The following CRISP1 variants were observed in gnomAD, a reference collection of about 807,000 sequenced individuals.
The protein encoded by CRISP1 is cysteine-rich secretory protein 1.
CRISP1 carries 44 observed loss-of-function variants against 33.1 expected under a neutral mutation model. The observed-to-expected ratio is 1.33, with a 90% confidence interval of 1.05 to 1.71. The LOEUF (loss-of-function observed/expected upper bound fraction) is 1.71, where lower values mean the gene tolerates loss of function less well. Ranked by LOEUF, CRISP1 falls within the 40% of genes most tolerant of loss-of-function variation. CRISP1 has a pLI of 0.00. For synonymous variants in CRISP1, 103 were observed against 98.7 expected, an observed-to-expected ratio of 1.04 and a Z score of -0.26; for missense variants, 390 against 301.2, an observed-to-expected ratio of 1.29 and a Z score of -2.18.
chr6:49,842,558 C>T (rs939152083), intron 5 of CRISP1, among the ~76,000 whole-genome samples: 14 of 152,184 alleles, frequency 9.2e-5, no homozygotes, highest in Admixed American at 3.3e-4. Flanking sequence ...CAGAAAATGT[C>T]GGAAAATGTC....
chr6:49,847,607 G>A (rs906195619), intron 4 of CRISP1, among the ~76,000 whole-genome samples: 4 of 152,256 alleles, frequency 2.6e-5, no homozygotes, highest in Middle Eastern at 6.8e-3. Context: ...AGAGTCATAA[G>A]CTAATGAAAT....
chr6:49,857,886 T>C (rs1771539515), intron 1 of CRISP1, among the ~76,000 whole-genome samples: 2 of 152,158 alleles, frequency 1.3e-5, no homozygotes, highest in African/African-American at 4.8e-5. Context: ...ATGGATAGCC[T>C]CTGGAAGCAG....
chr6:49,849,383 C>T (rs1328524830), intron 3 of CRISP1, among the ~76,000 whole-genome samples: 3 of 152,160 alleles, frequency 2.0e-5, no homozygotes, highest in Non-Finnish European at 4.4e-5. Context: ...AATCCTCTTC[C>T]TTGTCCCTCT....
intron 1 of CRISP1, among the ~76,000 whole-genome samples, chr6:49,864,403 TG>T (rs1771743090): frequency 6.6e-6 from 1 of 151,654 alleles, no homozygotes; most frequent in South Asian, 2.1e-4. Context: ...TGTGTGTGTG[TG>T]TGTGTGTGTG....
chr6:49,855,120 T>C (rs147130386), intron 2 of CRISP1, among the ~76,000 whole-genome samples: 1 of 152,248 alleles, frequency 6.6e-6, no homozygotes, highest in African/African-American at 2.4e-5. Flanking sequence ...ACACACTCTT[T>C]ATTTTTCTCT....
intron 2 of CRISP1, among the ~76,000 whole-genome samples, chr6:49,856,567 G>A (rs957246427): frequency 1.9e-4 from 29 of 152,110 alleles, no homozygotes; most frequent in African/African-American, 7.0e-4. Context: ...ATAGCCTAAT[G>A]CATATGGATT....
chr6:49,857,478 CT>C (rs1771528919), intron 1 of CRISP1, 76 bp from the exon 2 acceptor site: 9 of 1,371,864 alleles, frequency 6.6e-6, no homozygotes, highest in Middle Eastern at 2.1e-4. Flanking sequence ...ATTTAAACCA[CT>C]TTTACATGTG....
intron 4 of CRISP1, among the ~76,000 whole-genome samples, chr6:49,847,694 G>GT (rs11317901): frequency 0.041 from 6,260 of 151,564 alleles, 372 homozygotes; most frequent in African/African-American, 0.13. Flanking sequence ...AAGCAATAAT[G>GT]TTTTTTTTTA....
At chr6:49,842,431 G>A (rs558755584) in intron 5 of CRISP1, among the ~76,000 whole-genome samples, 10 of 151,992 alleles carry the variant, frequency 6.6e-5, no homozygotes, top group Non-Finnish European at 8.8e-5. Context: ...TCATAGCAAA[G>A]AAAAATTGAA....
chr6:49,859,058 G>A (rs1771572816), intron 1 of CRISP1, among the ~76,000 whole-genome samples: 1 of 152,100 alleles, frequency 6.6e-6, no homozygotes, highest in Non-Finnish European at 1.5e-5. Flanking sequence ...CCCCACTGAT[G>A]CACATTTTCA....
chr6:49,856,351 T>C (rs1771497327), intron 2 of CRISP1, among the ~76,000 whole-genome samples: 2 of 152,128 alleles, frequency 1.3e-5, no homozygotes, highest in African/African-American at 2.4e-5. Flanking sequence ...TTCCTTATTA[T>C]GAAGCATGAA....
chr6:49,859,928 T>C (rs1217209339), intron 1 of CRISP1, among the ~76,000 whole-genome samples: 1 of 151,950 alleles, frequency 6.6e-6, no homozygotes, highest in African/African-American at 2.4e-5. Flanking sequence ...AGATACTTCA[T>C]GCAAATGGAA....
intron 5 of CRISP1, among the ~76,000 whole-genome samples, chr6:49,842,949 G>C (rs1442770608): frequency 6.6e-6 from 1 of 152,032 alleles, no homozygotes; most frequent in East Asian, 1.9e-4. Context: ...CTTCATTCCT[G>C]GAAACAGGAA....
intron 3 of CRISP1, among the ~76,000 whole-genome samples, chr6:49,848,790 A>C (rs1175394062): frequency 6.6e-6 from 1 of 152,140 alleles, no homozygotes; most frequent in East Asian, 1.9e-4. Context: ...GCAAGTATAG[A>C]GTCATATTTC....
chr6:49,868,356 G>A (rs966937397), upstream of CRISP1, among the ~76,000 whole-genome samples: 3 of 152,088 alleles, frequency 2.0e-5, no homozygotes, highest in Admixed American at 2.0e-4. Flanking sequence ...ATAATAATCT[G>A]ACACATTTAT....
chr6:49,861,201 CA>C (rs1400352505), intron 1 of CRISP1, among the ~76,000 whole-genome samples: 4 of 151,922 alleles, frequency 2.6e-5, no homozygotes, highest in Non-Finnish European at 5.9e-5. Context: ...CAAACAATTC[CA>C]AAAAAATTCA....
intron 1 of CRISP1, among the ~76,000 whole-genome samples, chr6:49,871,979 A>T (rs1771934372): frequency 6.6e-6 from 1 of 152,172 alleles, no homozygotes; most frequent in East Asian, 1.9e-4. Flanking sequence ...CGCCACACTG[A>T]CTTCCACAAT....
chr6:49,864,356 C>T (rs535623709), intron 1 of CRISP1, among the ~76,000 whole-genome samples: 3 of 150,140 alleles, frequency 2.0e-5, no homozygotes, highest in Admixed American at 6.7e-5. Flanking sequence ...TTCTCTGTAC[C>T]TCTTTTAGTA....
chr6:49,855,241 C>T lies in CRISP1; in HGVS notation c.66+2094G>A, dbSNP rs1017220437. Among the ~76,000 whole-genome samples the T allele has an allele frequency of 7.9e-5, 12 of 152,100 alleles. 1 individual carries two copies. Among genetic ancestry groups the T allele is most frequent in the Non-Finnish European group, 1.3e-4 (9 of 68,004 alleles). ...TATGTCTATAGCCTCTCTCCCACTCCGTGATCCATTCTTTCATAATGCATT... is the reference window on the plus strand; with the variant it reads ...TATGTCTATAGCCTCTCTCCCACTCTGTGATCCATTCTTTCATAATGCATT... On this transcript the variant is annotated intron_variant, in intron 2 of 7. Transcript: ENST00000335847.
Sources: allele counts gnomAD v4.1 joint callset (sites outside exome capture counted in the v4.1 genomes callset), GRCh38; gene constraint gnomAD v4.1.1; transcripts MANE v1.5; gene names NCBI Gene and HGNC (gene_info 2026-07-23, HGNC 2026-07-21).